ARHGAP26: variants seen among roughly 807,000 people sequenced by gnomAD.
ARHGAP26 encodes rho GTPase-activating protein 26.
Under a neutral mutation model 104.8 loss-of-function variants are expected in ARHGAP26, and 38 were observed. The ratio of observed to expected loss-of-function variants is 0.36; its 90% CI spans 0.28 to 0.48. ARHGAP26 has a LOEUF of 0.48. Among genes scored for constraint, ARHGAP26 ranks in the 20% least tolerant of loss-of-function variants. The pLI, the probability that ARHGAP26 is intolerant of heterozygous loss-of-function variation, is 0.99. For synonymous variants in ARHGAP26, 341 were observed against 340.0 expected (o/e 1.00, Z -0.03); for missense variants, 704 against 947.9 (o/e 0.74, Z 3.38).
At chr5:142,856,622 A>T (rs1208042777) in intron 1 of ARHGAP26, among the ~76,000 whole-genome samples, 2 of 152,168 alleles carry the variant, frequency 1.3e-5, no homozygotes, top group Non-Finnish European at 2.9e-5. Flanking sequence ...TCAACTGCGG[A>T]TGGAGAATAT....
intron 11 of ARHGAP26, among the ~76,000 whole-genome samples, chr5:142,984,680 C>A (rs1255670324): frequency 6.6e-6 from 1 of 152,006 alleles, no homozygotes; most frequent in Non-Finnish European, 1.5e-5. Flanking sequence ...CCACTGTGGT[C>A]CCATAAGATT....
intron 17 of ARHGAP26, among the ~76,000 whole-genome samples, chr5:143,070,724 A>G (rs903839752): frequency 1.3e-5 from 2 of 152,174 alleles, no homozygotes; most frequent in South Asian, 4.1e-4. Context: ...GGCCTGGCTA[A>G]TATGGTGAAG....
At chr5:142,811,184 A>C (rs1764000021) in intron 1 of ARHGAP26, among the ~76,000 whole-genome samples, 1 of 152,180 alleles carries the variant, frequency 6.6e-6, no homozygotes, top group African/African-American at 2.4e-5. Flanking sequence ...GCCAGTGCAT[A>C]CGGACTTTGC....
chr5:142,890,090 C>G (rs1278049378), intron 5 of ARHGAP26, among the ~76,000 whole-genome samples: 42 of 136,516 alleles, frequency 3.1e-4, no homozygotes, highest in African/African-American at 1.1e-3. Context: ...GAGCCGAATT[C>G]GCGCCATTGT....
chr5:143,037,630 G>T (rs1202800797), intron 13 of ARHGAP26, among the ~76,000 whole-genome samples: 2 of 152,208 alleles, frequency 1.3e-5, no homozygotes, highest in South Asian at 2.1e-4. Flanking sequence ...TGGGAGCAGT[G>T]ATATTTCAAG....
intron 1 of ARHGAP26, among the ~76,000 whole-genome samples, chr5:142,807,752 C>T (rs369484911): frequency 3.3e-5 from 5 of 152,222 alleles, no homozygotes; most frequent in African/African-American, 1.2e-4. Flanking sequence ...TGGGTATCAG[C>T]GGGACAGAGA....
chr5:142,969,173 TCAAG>T (rs1277870591), intron 11 of ARHGAP26, among the ~76,000 whole-genome samples: 1 of 152,196 alleles, frequency 6.6e-6, no homozygotes, highest in Non-Finnish European at 1.5e-5. Flanking sequence ...ACTCCTGTGC[TCAAG>T]CAATCTGCCC....
At chr5:142,901,591 G>C (rs549356259) in intron 6 of ARHGAP26, among the ~76,000 whole-genome samples, 2 of 152,240 alleles carry the variant, frequency 1.3e-5, no homozygotes, top group Non-Finnish European at 2.9e-5. Context: ...CAGGTGGTGA[G>C]GCCCACAGGG....
intron 11 of ARHGAP26, among the ~76,000 whole-genome samples, chr5:142,949,036 C>T (rs796277403): frequency 1.3e-4 from 20 of 150,942 alleles, no homozygotes; most frequent in African/African-American, 4.4e-4. Flanking sequence ...ACCTGGGGGG[C>T]GGAGGTTGCA....
At chr5:142,909,762 G>A (rs1361993923) in intron 9 of ARHGAP26, among the ~76,000 whole-genome samples, 1 of 152,188 alleles carries the variant, frequency 6.6e-6, no homozygotes, top group African/African-American at 2.4e-5. Flanking sequence ...GCTTTCCTTG[G>A]ATTGAGCCTT....
At chr5:143,086,258 C>T (rs1241490736) in intron 17 of ARHGAP26, among the ~76,000 whole-genome samples, 2 of 152,148 alleles carry the variant, frequency 1.3e-5, no homozygotes, top group Non-Finnish European at 2.9e-5. Flanking sequence ...ACTTCCAGTC[C>T]CCTCTGGCAT....
intron 1 of ARHGAP26, among the ~76,000 whole-genome samples, chr5:142,789,669 A>T (rs1265634018): frequency 2.6e-5 from 4 of 152,154 alleles, no homozygotes; most frequent in African/African-American, 9.7e-5. Flanking sequence ...GCTGGTCATG[A>T]ATTATTTCCG....
chr5:142,973,896 C>T (rs1356414914), intron 11 of ARHGAP26, among the ~76,000 whole-genome samples: 1 of 152,216 alleles, frequency 6.6e-6, no homozygotes, highest in African/African-American at 2.4e-5. Context: ...CTTCCTTGAT[C>T]TTCCTCTGCC....
chr5:142,772,936 G>A (rs768248688), intron 1 of ARHGAP26: 2 of 532,102 alleles, frequency 3.8e-6, no homozygotes, highest in Admixed American at 1.9e-5. Flanking sequence ...CAGTGATAGA[G>A]TTGAAGTGTT....
chr5:142,779,113 T>C (rs1433469271), intron 1 of ARHGAP26, among the ~76,000 whole-genome samples: 1 of 152,218 alleles, frequency 6.6e-6, no homozygotes, highest in Non-Finnish European at 1.5e-5. Flanking sequence ...TAAGAGTCTA[T>C]TCTAACCTCC....
intron 11 of ARHGAP26, among the ~76,000 whole-genome samples, chr5:142,975,199 G>A (rs796888988): frequency 1.4e-4 from 21 of 152,268 alleles, no homozygotes; most frequent in African/African-American, 4.6e-4. Context: ...GCTGCTAAAC[G>A]GCATGGACTT....
chr5:143,215,665 C>G (rs908410065), intron 22 of ARHGAP26, among the ~76,000 whole-genome samples: 1 of 152,226 alleles, frequency 6.6e-6, no homozygotes, highest in African/African-American at 2.4e-5. Flanking sequence ...AACCACTCTT[C>G]TACTTTGTCT....
chr5:143,213,891 G>A, intron 21 of ARHGAP26, 106 bp from the exon 22 acceptor site: 2 of 654,144 alleles, frequency 3.1e-6, no homozygotes, highest in Non-Finnish European at 5.1e-6. Flanking sequence ...CTTCCCACGA[G>A]AGGGGACTAG....
intron 20 of ARHGAP26, among the ~76,000 whole-genome samples, chr5:143,149,186 G>A (rs574678363): frequency 1.3e-5 from 2 of 152,258 alleles, no homozygotes; most frequent in East Asian, 1.9e-4. Context: ...ACAGATCTGG[G>A]GGGCTTTCCT....
Sources: allele counts gnomAD v4.1 joint callset (sites outside exome capture counted in the v4.1 genomes callset), GRCh38; gene constraint gnomAD v4.1.1; transcripts MANE v1.5; gene names NCBI Gene and HGNC (gene_info 2026-07-23, HGNC 2026-07-21).